MTFR2: variants seen among roughly 807,000 people sequenced by gnomAD.
The protein encoded by MTFR2 is mitochondrial fission regulator 2.
In MTFR2, 44 loss-of-function variants were observed where a neutral mutation model predicts 41.2. The ratio of observed to expected loss-of-function variants is 1.07; its 90% CI spans 0.84 to 1.37. The LOEUF (loss-of-function observed/expected upper bound fraction) is 1.37, where lower values mean the gene tolerates loss of function less well. Among genes scored for constraint, MTFR2 ranks in the 40% most tolerant of loss-of-function variants. MTFR2 has a pLI of 0.00. For synonymous variants in MTFR2, 141 were observed against 154.6 expected (o/e 0.91, Z 0.65); for missense variants, 452 against 459.5 (o/e 0.98, Z 0.15).
intron 5 of MTFR2, among the ~76,000 whole-genome samples, chr6:136,240,484 T>A (rs1042024611): frequency 1.3e-5 from 2 of 152,102 alleles, no homozygotes; most frequent in African/African-American, 2.4e-5. Context: ...TATTAAAAAA[T>A]TTTTAGCAAT....
chr6:136,243,488 A>G (rs1780135023), intron 3 of MTFR2, among the ~76,000 whole-genome samples: 1 of 152,052 alleles, frequency 6.6e-6, no homozygotes, highest in African/African-American at 2.4e-5. Context: ...AGGAGGATCA[A>G]TTAAGGCCAG....
chr6:136,236,077 C>T (rs1298343798), intron 6 of MTFR2, among the ~76,000 whole-genome samples: 1 of 152,178 alleles, frequency 6.6e-6, no homozygotes. Context: ...ATGGAGTTTT[C>T]ATGGGTAGAA....
chr6:136,244,930 T>C, intron 2 of MTFR2, 61 bp from the exon 3 acceptor site: 2 of 1,263,594 alleles, frequency 1.6e-6, no homozygotes, highest in Non-Finnish European at 2.2e-6. Context: ...TATATAAGTA[T>C]GAAAAAAGGA....
chr6:136,241,413 T>C (rs748916179), intron 5 of MTFR2, 31 bp downstream of exon 5: 2 of 1,572,584 alleles, frequency 1.3e-6, no homozygotes, highest in Non-Finnish European at 1.7e-6. Flanking sequence ...GAGTATCATC[T>C]AACTGAAACA....
chr6:136,241,405 G>A (rs200865574), intron 5 of MTFR2, 39 bp downstream of exon 5: 2 of 1,541,766 alleles, frequency 1.3e-6, no homozygotes, highest in East Asian at 4.6e-5. Context: ...TATACCATGA[G>A]TATCATCTAA....
chr6:136,242,886 C>A lies in MTFR2; in HGVS notation c.256G>T (p.Glu86Ter). Residue 86 changes from glutamate to a stop codon, truncating the protein, a stop_gained, in exon 4 of 8, where the codon GAA (glutamate) becomes TAA (stop). Transcript: ENST00000420702. LOFTEE classifies it high-confidence loss of function. ...CGAAATCTGAGATAACTGGCTTCTT[C>A]ATCATTTGCCACATACAAAATATCA... is the stretch of plus-strand genomic sequence containing the variant. Reference protein sequence around the residue: ...FADILYVANDEEASYLRFRNS... With the variant: ...FADILYVAND The A allele has an allele frequency of 6.2e-7, 1 of 1,612,910 alleles. No homozygotes were observed.
chr6:136,231,669 TAA>T lies in MTFR2; in HGVS notation c.1045-283_1045-282del, dbSNP rs71006791. Among the ~76,000 whole-genome samples, 675 of 82,924 alleles carry T rather than the reference TAA, an allele frequency of 8.1e-3. 5 individuals are homozygous for T. The highest frequency in any genetic ancestry group is 0.029 in the African/African-American group (627 of 21,312). The allele number at this position is 82,924 out of a possible 152,430, so 54.4% of individuals were successfully genotyped here. On this transcript the variant is annotated intron_variant, in intron 7 of 7. Coordinates refer to ENST00000420702, the MANE Select transcript of MTFR2 (RefSeq NM_001099286.3). ...CTGAAATTAAGTGCTAAAAACTATG[TAA>T]AAAAAAAAAAAAAAAAAAAAAGAAG...
chr6:136,247,242 G>A (rs530982977), intron 2 of MTFR2, among the ~76,000 whole-genome samples: 12 of 152,144 alleles, frequency 7.9e-5, no homozygotes, highest in South Asian at 4.2e-4. Context: ...TCCCAGCTAC[G>A]CGGGAGGCTG....
chr6:136,240,031 T>C (rs10484487), intron 5 of MTFR2, among the ~76,000 whole-genome samples: 7,979 of 152,118 alleles, frequency 0.052, 689 homozygotes, highest in African/African-American at 0.18. Flanking sequence ...GAATTTTCAG[T>C]GTAGGTCCAA....
At chr6:136,240,851 G>A (rs1417103586) in intron 5 of MTFR2, among the ~76,000 whole-genome samples, 1 of 152,188 alleles carries the variant, frequency 6.6e-6, no homozygotes. Context: ...CAGCACTTTG[G>A]GAGGCCAAGG....
chr6:136,244,892 A>C (rs1220341769), intron 2 of MTFR2, 23 bp from the exon 3 acceptor site: 1 of 1,496,996 alleles, frequency 6.7e-7, no homozygotes, highest in Admixed American at 1.8e-5. Context: ...TAAAGTATGA[A>C]TTAAAATGCA....
intron 3 of MTFR2, 64 bp from the exon 4 acceptor site, chr6:136,243,037 C>T: frequency 9.8e-7 from 1 of 1,020,706 alleles, no homozygotes; most frequent in Non-Finnish European, 1.4e-6. Context: ...ACACATGCCC[C>T]ATGGTATTAA....
chr6:136,236,778 A>G (rs923462036), intron 6 of MTFR2, among the ~76,000 whole-genome samples: 2 of 152,204 alleles, frequency 1.3e-5, no homozygotes, highest in African/African-American at 2.4e-5. Flanking sequence ...CTGTCCCAGG[A>G]CTATCATACA....
intron 3 of MTFR2, among the ~76,000 whole-genome samples, chr6:136,243,824 T>C (rs1297013527): frequency 6.6e-6 from 1 of 152,110 alleles, no homozygotes. Context: ...ATGCATGTTA[T>C]TGCCACTGAA....
rs780753226 is a variant in MTFR2, at chr6:136,248,968, T to C, written c.63+69A>G. ...TTGCCTTAAATCAAATGATTACATA[T>C]AAGTCATTTTCAAAATGAAACCCAA... On this transcript the variant is annotated intron_variant, in intron 2 of 7. Coordinates refer to ENST00000420702, the MANE Select transcript of MTFR2 (RefSeq NM_001099286.3). 5.1e-6 allele frequency: 7 copies of C among 1,364,026 alleles called. 1 individual carries two copies. The highest frequency in any genetic ancestry group is 3.5e-4 in the Middle Eastern group (2 of 5,646). The allele number at this position is 1,364,026 out of a possible 1,614,324, so 84.5% of individuals were successfully genotyped here.
At chr6:136,231,531 T>C in intron 7 of MTFR2, 143 bp from the exon 8 acceptor site, 1 of 605,262 alleles carries the variant, frequency 1.7e-6, no homozygotes, top group South Asian at 2.1e-5. Flanking sequence ...CATAGTTATT[T>C]GGCTATGTAT....
intron 1 of MTFR2, 124 bp from the exon 2 acceptor site, chr6:136,249,277 T>G (rs568342130): frequency 1.4e-4 from 72 of 514,218 alleles, no homozygotes; most frequent in African/African-American, 1.3e-3. Context: ...AGCATTCTTT[T>G]AAGTCAGAGA....
intron 2 of MTFR2, among the ~76,000 whole-genome samples, chr6:136,246,584 T>C (rs886552677): frequency 3.3e-5 from 5 of 152,068 alleles, no homozygotes; most frequent in African/African-American, 1.2e-4. Flanking sequence ...CATCTGGCCA[T>C]CTTCACCATT....
chr6:136,234,424 C>A (rs1211889614), intron 6 of MTFR2, among the ~76,000 whole-genome samples: 1 of 151,986 alleles, frequency 6.6e-6, no homozygotes, highest in Non-Finnish European at 1.5e-5. Context: ...GCAACATCCT[C>A]TTTAAGAAAA....
Sources: gnomAD v4.1 joint callset for allele counts (sites outside exome capture counted in the v4.1 genomes callset) on GRCh38, gnomAD v4.1.1 for gene constraint, MANE v1.5 for transcripts, NCBI Gene and HGNC (gene_info 2026-07-23, HGNC 2026-07-21) for gene names.